Variants in LPP observed in about 807,000 individuals in gnomAD.
LPP encodes the protein LIM domain containing preferred translocation partner in lipoma.
Under a neutral mutation model 60.4 loss-of-function variants are expected in LPP, and 38 were observed. That is an observed-to-expected ratio of 0.63 (90% CI 0.49 to 0.83). The LOEUF (loss-of-function observed/expected upper bound fraction) is 0.83, where lower values mean the gene tolerates loss of function less well. Ranked by LOEUF, LPP falls within the 40% of genes least tolerant of loss-of-function variation. The probability of loss-of-function intolerance (pLI) is 0.00; values close to 1 mark genes in which losing one functional copy is unlikely to be tolerated. For missense variants in LPP, 902 were observed against 783.6 expected (o/e 1.15, Z -1.80); for synonymous variants, 328 against 290.8 (o/e 1.13, Z -1.30).
At chr3:188,487,154 C>T (rs544299288) in intron 5 of LPP, among the ~76,000 whole-genome samples, 4 of 152,212 alleles carry the variant, frequency 2.6e-5, no homozygotes, top group South Asian at 2.1e-4. Context: ...TGTGATCTTG[C>T]GCAATGCATG....
chr3:188,407,777 T>G (rs1159812099), intron 4 of LPP, among the ~76,000 whole-genome samples: 2 of 51,954 alleles, frequency 3.8e-5, no homozygotes, highest in East Asian at 5.2e-4. Context: ...GGTTTTTTTT[T>G]TTGTTTGTTT....
intron 4 of LPP, among the ~76,000 whole-genome samples, chr3:188,461,450 T>C (rs532748142): frequency 6.6e-6 from 1 of 152,336 alleles, no homozygotes; most frequent in African/African-American, 2.4e-5. Context: ...TTTTACAATA[T>C]ACGTATCAAA....
At chr3:188,703,965 T>A (rs1037871770) in intron 7 of LPP, among the ~76,000 whole-genome samples, 3 of 152,198 alleles carry the variant, frequency 2.0e-5, no homozygotes, top group Non-Finnish European at 4.4e-5. Context: ...ATTGTGTCTG[T>A]TCTCTGAGGG....
At chr3:188,745,863 G>T (rs1245065909) in intron 8 of LPP, among the ~76,000 whole-genome samples, 1 of 152,006 alleles carries the variant, frequency 6.6e-6, no homozygotes, top group Non-Finnish European at 1.5e-5. Context: ...TCTATTCCAC[G>T]CTCTAATTTC....
chr3:188,493,812 T>C (rs1372285468), intron 5 of LPP, among the ~76,000 whole-genome samples: 1 of 152,184 alleles, frequency 6.6e-6, no homozygotes, highest in Non-Finnish European at 1.5e-5. Flanking sequence ...CTTTATGAAC[T>C]CCTACTATAT....
At chr3:188,648,549 C>A (rs1580683121) in intron 7 of LPP, among the ~76,000 whole-genome samples, 2 of 152,262 alleles carry the variant, frequency 1.3e-5, no homozygotes, top group East Asian at 1.9e-4. Flanking sequence ...CATCTCTGGC[C>A]CACTGCAGTA....
At chr3:188,831,798 T>G (rs915732865) in intron 9 of LPP, among the ~76,000 whole-genome samples, 2 of 152,240 alleles carry the variant, frequency 1.3e-5, no homozygotes, top group Non-Finnish European at 2.9e-5. Context: ...TCTCCCTACA[T>G]GTACCTTAAC....
intron 9 of LPP, among the ~76,000 whole-genome samples, chr3:188,845,108 A>G (rs1483666970): frequency 6.6e-6 from 1 of 152,238 alleles, no homozygotes; most frequent in Non-Finnish European, 1.5e-5. Context: ...TTCACACTTC[A>G]TTTTAGAAGC....
chr3:188,248,497 T>TATATATAC (rs1288280759), intron 2 of LPP, among the ~76,000 whole-genome samples: 17 of 140,714 alleles, frequency 1.2e-4, no homozygotes, highest in South Asian at 2.3e-4. Flanking sequence ...TATATATATA[T>TATATATAC]ACAGTCAGCA....
At position 188,607,418 on chromosome 3, in the gene LPP, A is replaced by ATAAT. The variant is rs1842732460; in HGVS notation, c.430-1742_430-1741insAATT. ...ATATATATATATATATATATATATA[A>ATAAT]TTTTTTTTTCCTTTGCAGTTTTACG... On this transcript the variant is annotated intron_variant, in intron 6 of 11. Transcript: ENST00000617246. Among the ~76,000 whole-genome samples the ATAAT allele has an allele frequency of 3.8e-3, 144 of 38,292 alleles. 1 individual carries two copies. Among genetic ancestry groups the ATAAT allele is most frequent in the Non-Finnish European group, 6.6e-3 (82 of 12,388 alleles). The allele number at this position is 38,292 out of a possible 152,430, so 25.1% of individuals were successfully genotyped here. A position where few individuals can be genotyped will look rare whatever the true frequency, so the allele number is the denominator to read the frequency against.
intron 7 of LPP, among the ~76,000 whole-genome samples, chr3:188,636,838 G>A (rs1039945363): frequency 6.6e-6 from 1 of 151,032 alleles, no homozygotes; most frequent in Admixed American, 6.6e-5. Context: ...CAGACCTGCA[G>A]CTGAGGGTCC....
chr3:188,722,231 T>A (rs572426397), intron 8 of LPP, among the ~76,000 whole-genome samples: 1 of 152,256 alleles, frequency 6.6e-6, no homozygotes, highest in African/African-American at 2.4e-5. Flanking sequence ...ATGCACTAAG[T>A]GTTGGGTACA....
intron 2 of LPP, among the ~76,000 whole-genome samples, chr3:188,329,506 A>G (rs780711710): frequency 5.3e-5 from 8 of 152,154 alleles, no homozygotes; most frequent in African/African-American, 1.4e-4. Flanking sequence ...ATGAAACCCA[A>G]AATGCCCCAG....
At chr3:188,372,126 C>G (rs188314466) in intron 3 of LPP, among the ~76,000 whole-genome samples, 94 of 152,012 alleles carry the variant, frequency 6.2e-4, no homozygotes, top group African/African-American at 2.0e-3. Flanking sequence ...AGAAAGCCTT[C>G]CATGCCCAAC....
At chr3:188,495,211 A>T (rs1337911234) in intron 5 of LPP, among the ~76,000 whole-genome samples, 20 of 139,260 alleles carry the variant, frequency 1.4e-4, no homozygotes, top group South Asian at 2.2e-4. Context: ...ATATATATAT[A>T]TTTTTTTTTG....
intron 3 of LPP, among the ~76,000 whole-genome samples, chr3:188,381,427 A>G (rs1440457973): frequency 6.6e-6 from 1 of 151,924 alleles, no homozygotes; most frequent in African/African-American, 2.4e-5. Flanking sequence ...ATTATTGGTA[A>G]TTGTGTGTTT....
chr3:188,554,420 A>G (rs1237883089), intron 6 of LPP, among the ~76,000 whole-genome samples: 1 of 152,214 alleles, frequency 6.6e-6, no homozygotes, highest in African/African-American at 2.4e-5. Context: ...AACAAGTTGT[A>G]GTTCAATTTA....
intron 9 of LPP, among the ~76,000 whole-genome samples, chr3:188,825,263 C>CTGTG (rs1272019929): frequency 1.3e-4 from 13 of 103,594 alleles, no homozygotes; most frequent in African/African-American, 4.3e-4. Flanking sequence ...CTCTCTCTCT[C>CTGTG]TCTCTCTGTG....
At position 188,281,665 on chromosome 3, in the gene LPP, G is replaced by A. The variant is rs1742117633; in HGVS notation, c.-67+56138G>A. ...CAAGGATGAGGACATAGGTAGGGAA[G>A]GGGAAAATTTGTGACCATTTTTGCA... On this transcript the variant is annotated intron_variant, in intron 2 of 11. Coordinates refer to ENST00000617246, the MANE Select transcript of LPP (RefSeq NM_001375462.1). Among the ~76,000 whole-genome samples the A allele has an allele frequency of 2.0e-5, 3 of 149,432 alleles. 1 individual carries two copies. Among genetic ancestry groups the A allele is most frequent in the Admixed American group, 2.0e-4 (3 of 14,994 alleles).
Sources: allele counts gnomAD v4.1 joint callset (sites outside exome capture counted in the v4.1 genomes callset), GRCh38; gene constraint gnomAD v4.1.1; transcripts MANE v1.5; gene names NCBI Gene and HGNC (gene_info 2026-07-23, HGNC 2026-07-21).